The following RTL4 variants were observed in gnomAD, a reference collection of about 807,000 sequenced individuals.
RTL4 encodes the protein retrotransposon Gag like 4, also known as retrotransposon Gag-like protein 4.
Under a neutral mutation model 5.3 loss-of-function variants are expected in RTL4, and 4 were observed. The ratio of observed to expected loss-of-function variants is 0.75; its 90% CI spans 0.37 to 1.72. The LOEUF is 1.72. Ranked by LOEUF, RTL4 falls within the 40% of genes most tolerant of loss-of-function variation. RTL4 has a pLI of 0.04. For missense variants in RTL4, 260 were observed against 227.1 expected, an observed-to-expected ratio of 1.14 and a Z score of -0.93; for synonymous variants, 98 against 87.3, an observed-to-expected ratio of 1.12 and a Z score of -0.68.
the RTL4 span, among the ~76,000 whole-genome samples, chrX:112,235,483 T>C: frequency 8.9e-6 from 1 of 111,732 alleles, no homozygotes; most frequent in Admixed American, 9.5e-5. Flanking sequence ...TGACAGGACT[T>C]TTTTCTGCCT....
the RTL4 span, among the ~76,000 whole-genome samples, chrX:112,328,798 A>G: frequency 8.9e-6 from 1 of 112,288 alleles, no homozygotes; most frequent in Admixed American, 9.5e-5. Context: ...CAGAAATTAT[A>G]ACAAACTATC....
chrX:112,302,308 A>G, the RTL4 span, among the ~76,000 whole-genome samples: 1 of 109,761 alleles, frequency 9.1e-6, no homozygotes, highest in Non-Finnish European at 1.9e-5. Context: ...TTAAGAGGAC[A>G]GGAGTTTAAG....
At chrX:112,210,317 G>C in the RTL4 span, among the ~76,000 whole-genome samples, 1 of 111,838 alleles carries the variant, frequency 8.9e-6, no homozygotes, top group South Asian at 3.8e-4. Flanking sequence ...GTGATTATGG[G>C]GCAAGTTATT....
At chrX:112,118,313 G>T in the RTL4 span, among the ~76,000 whole-genome samples, 1 of 111,926 alleles carries the variant, frequency 8.9e-6, no homozygotes, top group Non-Finnish European at 1.9e-5. Context: ...GACTTGTGTT[G>T]AAGAAACCAC....
the RTL4 span, among the ~76,000 whole-genome samples, chrX:112,264,279 A>G: frequency 8.9e-6 from 1 of 112,285 alleles, no homozygotes; most frequent in Non-Finnish European, 1.9e-5. Context: ...GAGCTCAACA[A>G]TCTCTTTAGC....
At chrX:112,419,627 AAG>A in the RTL4 span, among the ~76,000 whole-genome samples, 1 of 93,812 alleles carries the variant, frequency 1.1e-5, no homozygotes, top group African/African-American at 4.1e-5. Flanking sequence ...ATATATATTT[AAG>A]TATGTAAATC....
At chrX:112,178,445 A>G in the RTL4 span, among the ~76,000 whole-genome samples, 1 of 111,793 alleles carries the variant, frequency 8.9e-6, no homozygotes, top group Non-Finnish European at 1.9e-5. Flanking sequence ...GCAATATATC[A>G]ATGTTAATTT....
At chrX:112,122,073 C>T in the RTL4 span, among the ~76,000 whole-genome samples, 1 of 111,573 alleles carries the variant, frequency 9.0e-6, no homozygotes, top group Non-Finnish European at 1.9e-5. Context: ...AACTCCACTT[C>T]TATCCAATAG....
the RTL4 span, among the ~76,000 whole-genome samples, chrX:112,270,148 A>C: frequency 8.9e-6 from 1 of 112,297 alleles, no homozygotes; most frequent in Non-Finnish European, 1.9e-5. Context: ...CCTTTAGATG[A>C]AGTTCAATCA....
the RTL4 span, among the ~76,000 whole-genome samples, chrX:112,207,919 AAT>A: frequency 9.0e-6 from 1 of 110,699 alleles, no homozygotes; most frequent in African/African-American, 3.3e-5. Context: ...GCTCATTCTA[AAT>A]ATATATTTAA....
At chrX:112,118,659 G>A in the RTL4 span, among the ~76,000 whole-genome samples, 3 of 111,930 alleles carry the variant, frequency 2.7e-5, no homozygotes, top group South Asian at 1.1e-3. Flanking sequence ...CACCTTGAAG[G>A]CTGGACGCTA....
At chrX:112,109,829 G>A in the RTL4 span, among the ~76,000 whole-genome samples, 1 of 111,605 alleles carries the variant, frequency 9.0e-6, no homozygotes, top group Non-Finnish European at 1.9e-5. Context: ...CTGCTGGATA[G>A]GGGCGAAGAA....
the RTL4 span, among the ~76,000 whole-genome samples, chrX:112,279,617 T>A: frequency 9.1e-6 from 1 of 110,294 alleles, no homozygotes; most frequent in Non-Finnish European, 1.9e-5. Context: ...TAAAAAAAAA[T>A]GTAATATATG....
chrX:112,335,919 T>G, the RTL4 span, among the ~76,000 whole-genome samples: 1 of 109,862 alleles, frequency 9.1e-6, no homozygotes, highest in Non-Finnish European at 1.9e-5. Flanking sequence ...CTCGGCTCAC[T>G]GCAAGCTCCG....
the RTL4 span, among the ~76,000 whole-genome samples, chrX:112,289,725 G>A: frequency 9.0e-6 from 1 of 111,359 alleles, no homozygotes; most frequent in African/African-American, 3.3e-5. Context: ...CCATGTGACT[G>A]GGCTACTTTA....
At chrX:112,196,541 G>A in the RTL4 span, among the ~76,000 whole-genome samples, 1 of 110,670 alleles carries the variant, frequency 9.0e-6, no homozygotes, top group Non-Finnish European at 1.9e-5. Flanking sequence ...TTGCATACTA[G>A]TTTTTTTTTA....
At chrX:112,322,267 C>T in the RTL4 span, among the ~76,000 whole-genome samples, 1 of 111,156 alleles carries the variant, frequency 9.0e-6, no homozygotes, top group African/African-American at 3.3e-5. Flanking sequence ...GGTCATTCTT[C>T]TTCCACCAAT....
At chrX:112,206,941 T>C in the RTL4 span, among the ~76,000 whole-genome samples, 1 of 111,852 alleles carries the variant, frequency 8.9e-6, no homozygotes, top group East Asian at 2.8e-4. Context: ...AGAATCATCC[T>C]TGATTTCTGT....
chrX:112,244,698 A>C, the RTL4 span, among the ~76,000 whole-genome samples: 2 of 111,844 alleles, frequency 1.8e-5, no homozygotes, highest in Non-Finnish European at 3.8e-5. Context: ...ATTTACATTT[A>C]AGATTAATAT....
Sources: allele counts gnomAD v4.1 joint callset (sites outside exome capture counted in the v4.1 genomes callset), GRCh38; gene constraint gnomAD v4.1.1; transcripts MANE v1.5; gene names NCBI Gene and HGNC (gene_info 2026-07-23, HGNC 2026-07-21).